CBLN2: variants seen among roughly 807,000 people sequenced by gnomAD.
The protein encoded by CBLN2 is cerebellin-2.
CBLN2 carries 7 observed loss-of-function variants against 15.0 expected under a neutral mutation model. That is an observed-to-expected ratio of 0.47 (90% confidence interval 0.27 to 0.88). The LOEUF is 0.88. Ranked by LOEUF, CBLN2 falls within the 40% of genes least tolerant of loss-of-function variation. The pLI, the probability that CBLN2 is intolerant of heterozygous loss-of-function variation, is 0.14. For synonymous variants in CBLN2, 149 were observed against 135.2 expected, an observed-to-expected ratio of 1.10 and a Z score of -0.71; for missense variants, 242 against 304.5, an observed-to-expected ratio of 0.79 and a Z score of 1.53.
intron 1 of CBLN2, among the ~76,000 whole-genome samples, chr18:72,607,694 T>TC (rs1310340309): frequency 8.6e-5 from 13 of 151,556 alleles, no homozygotes; most frequent in Middle Eastern, 3.2e-3. Flanking sequence ...TCTCTCTCTC[T>TC]TTCTCTCTTT....
chr18:72,609,502 T>C (rs1477335793), intron 1 of CBLN2, among the ~76,000 whole-genome samples: 1 of 152,050 alleles, frequency 6.6e-6, no homozygotes, highest in East Asian at 1.9e-4. Context: ...GACTCTAGCC[T>C]CCAGAACTGC....
intron 1 of CBLN2, among the ~76,000 whole-genome samples, chr18:72,560,925 T>C (rs373938479): frequency 3.3e-5 from 5 of 151,916 alleles, no homozygotes; most frequent in Non-Finnish European, 5.9e-5. Context: ...AGGAGAATGG[T>C]GTGAACCCAG....
intron 1 of CBLN2, among the ~76,000 whole-genome samples, chr18:72,557,937 T>G (rs2144889427): frequency 6.6e-6 from 1 of 152,240 alleles, no homozygotes; most frequent in African/African-American, 2.4e-5. Context: ...TTTAAAAAAG[T>G]AAGCACAAGA....
chr18:72,618,866 G>A (rs2069680569), intron 1 of CBLN2: 1 of 729,150 alleles, frequency 1.4e-6, no homozygotes, highest in Non-Finnish European at 2.5e-6. Flanking sequence ...GGTTCTGGAA[G>A]CTTTAGCGGT....
At chr18:72,619,241 A>C in intron 1 of CBLN2, 1 of 931,076 alleles carries the variant, frequency 1.1e-6, no homozygotes, top group Non-Finnish European at 1.7e-6. Flanking sequence ...CAGGAAACAA[A>C]GCTTAGCAGG....
At chr18:72,561,334 T>C (rs956937160) in intron 1 of CBLN2, among the ~76,000 whole-genome samples, 1 of 148,868 alleles carries the variant, frequency 6.7e-6, no homozygotes, top group African/African-American at 2.5e-5. Context: ...AAAAGTAAAA[T>C]ACAATATTAT....
intron 1 of CBLN2, among the ~76,000 whole-genome samples, chr18:72,607,751 G>A (rs9956893): frequency 0.21 from 31,962 of 151,100 alleles, 5,354 homozygotes; most frequent in African/African-American, 0.47. Flanking sequence ...CTGAGTGGAG[G>A]ATTGGGTCCC....
At chr18:72,593,585 C>A (rs1354353253) in intron 1 of CBLN2, among the ~76,000 whole-genome samples, 1 of 152,102 alleles carries the variant, frequency 6.6e-6, no homozygotes, top group East Asian at 1.9e-4. Context: ...TGTCTTGTTC[C>A]AGATCTTAGA....
intron 1 of CBLN2, among the ~76,000 whole-genome samples, chr18:72,613,364 A>G (rs9958598): frequency 0.21 from 31,723 of 152,058 alleles, 5,101 homozygotes; most frequent in African/African-American, 0.46. Flanking sequence ...TAAATATTTT[A>G]TTGGATTGAA....
At chr18:72,547,397 T>C (rs973247031), upstream of CBLN2, among the ~76,000 whole-genome samples, 4 of 152,160 alleles carry the variant, frequency 2.6e-5, no homozygotes, top group Non-Finnish European at 5.9e-5. Context: ...ACTTAGTGGG[T>C]ACAATGTACA....
chr18:72,621,318 C>T (rs113691060), intron 1 of CBLN2, among the ~76,000 whole-genome samples: 59 of 152,244 alleles, frequency 3.9e-4, no homozygotes, highest in African/African-American at 1.4e-3. Context: ...AGGATCTAGT[C>T]TAGACTTCCA....
chr18:72,623,205 C>T (rs533645078), intron 1 of CBLN2, among the ~76,000 whole-genome samples: 1 of 152,254 alleles, frequency 6.6e-6, no homozygotes, highest in Admixed American at 6.5e-5. Context: ...CCACCTCCCA[C>T]CAGTCCCCTC....
intron 1 of CBLN2, among the ~76,000 whole-genome samples, chr18:72,550,020 GA>G (rs1483367346): frequency 6.6e-6 from 1 of 152,212 alleles, no homozygotes; most frequent in African/African-American, 2.4e-5. Context: ...GGTAGACGTA[GA>G]AAGCCTATAC....
exon 1 of CBLN2, chr18:72,638,408 C>A (rs2069827897): frequency 7.5e-6 from 3 of 398,306 alleles, no homozygotes. Flanking sequence ...AAATTCAATT[C>A]ATTTCTCTTT....
chr18:72,593,806 T>C, intron 1 of CBLN2, among the ~76,000 whole-genome samples: 1 of 152,194 alleles, frequency 6.6e-6, no homozygotes, highest in Admixed American at 6.5e-5. Flanking sequence ...ATGTATCACA[T>C]GGATTAATTT....
At chr18:72,583,857 G>C (rs532722289) in intron 1 of CBLN2, among the ~76,000 whole-genome samples, 4 of 152,308 alleles carry the variant, frequency 2.6e-5, no homozygotes, top group African/African-American at 9.6e-5. Context: ...TCTTTGAAAA[G>C]TTGCCCTGGC....
intron 1 of CBLN2, among the ~76,000 whole-genome samples, chr18:72,569,622 T>C (rs923651691): frequency 7.9e-5 from 12 of 152,088 alleles, no homozygotes; most frequent in African/African-American, 2.7e-4. Flanking sequence ...CTTCCAATCA[T>C]GGCAGAAGAT....
upstream of CBLN2, among the ~76,000 whole-genome samples, chr18:72,546,293 C>T (rs1228718849): frequency 2.6e-5 from 4 of 152,060 alleles, no homozygotes; most frequent in East Asian, 1.9e-4. Context: ...AAAAATTAGC[C>T]GGGCGTGGTG....
rs563536350 is a variant in CBLN2, at chr18:72,586,915, T to TC, written c.16-48144_16-48143insG. Among the ~76,000 whole-genome samples, 49 of 152,102 alleles carry TC rather than the reference T, an allele frequency of 3.2e-4. No homozygotes were observed. The South Asian group carries it at 7.1e-3, about 22-fold the overall frequency. On this transcript the variant is annotated intron_variant, in intron 1 of 2. Coordinates refer to the CBLN2 transcript ENST00000581073. ...TTAGCAGAGGGAGAAAATCCTAAGGTTAAAATTTTCAAATGTTCATACTAT... is the reference window on the plus strand; with the variant it reads ...TTAGCAGAGGGAGAAAATCCTAAGGTCTAAAATTTTCAAATGTTCATACTAT...
Sources: allele counts gnomAD v4.1 joint callset (sites outside exome capture counted in the v4.1 genomes callset), GRCh38; gene constraint gnomAD v4.1.1; transcripts MANE v1.5; gene names NCBI Gene and HGNC (gene_info 2026-07-23, HGNC 2026-07-21).